ATP8B3: variants seen among roughly 807,000 people sequenced by gnomAD.
The protein encoded by ATP8B3 is phospholipid-transporting ATPase IK.
A neutral mutation model predicts 140.9 loss-of-function variants in ATP8B3; 141 were observed. The observed-to-expected ratio is 1.00, with a 90% CI of 0.87 to 1.15. The LOEUF is 1.15. Among genes scored for constraint, ATP8B3 ranks in the 50% most tolerant of loss-of-function variants. The pLI is 0.00. For synonymous variants in ATP8B3, 765 were observed against 714.6 expected (o/e 1.07, Z -1.13); for missense variants, 1,874 against 1,740.6 (o/e 1.08, Z -1.36).
intron 24 of ATP8B3, among the ~76,000 whole-genome samples, chr19:1,788,664 C>T (rs555997357): frequency 8.5e-5 from 13 of 152,130 alleles, no homozygotes; most frequent in Admixed American, 1.3e-4. Context: ...CAAAACAAAA[C>T]GAAACAAATA....
intron 28 of ATP8B3, among the ~76,000 whole-genome samples, chr19:1,783,632 G>A (rs185862432): frequency 6.6e-6 from 1 of 152,308 alleles, no homozygotes; most frequent in Admixed American, 6.5e-5. Flanking sequence ...CCAGCCACCA[G>A]GTGCCTTGGC....
Position 1,785,649 on chromosome 19 carries a change from G to T in ATP8B3, c.3213C>A (p.Asp1071Glu), listed in dbSNP as rs187141822. 1.9e-6 allele frequency: 3 copies of T among 1,613,132 alleles called. No individual in the cohort carries two copies. The highest frequency in any genetic ancestry group is 2.2e-5 in the East Asian group (1 of 44,878). ...KPELYVVGQK[D>E]ELFNYWVFVQ... ...CGAAGACCCAGTAGTTGAAGAGCTC[G>T]TCCTTCTGCCCCACCACGTACAGCT... Residue 1071 changes from aspartate (D) to glutamate (E), a missense_variant, in exon 26 of 29, where the codon GAC (aspartate) becomes GAA (glutamate). Physicochemically the swap from Asp to Glu is conservative, Grantham distance 45. Around this residue, in one of 3 missense-constraint regions of ATP8B3, gnomAD observed 840 missense variants for 760.9 expected, o/e 1.10. Coordinates refer to ENST00000310127, the MANE Select transcript of ATP8B3 (RefSeq NM_138813.4).
chr19:1,801,593 T>C (rs2068847282), intron 12 of ATP8B3, among the ~76,000 whole-genome samples: 1 of 151,870 alleles, frequency 6.6e-6, no homozygotes, highest in Non-Finnish European at 1.5e-5. Context: ...TCTACTAAAA[T>C]ACAAAAAAAT....
rs747132737 is a variant in ATP8B3, at chr19:1,805,956, G to A, written c.753C>T (p.Ala251=). The A allele has an allele frequency of 4.6e-5, 74 of 1,612,568 alleles. No homozygotes were observed. The highest frequency in any genetic ancestry group is 1.5e-4 in the African/African-American group (11 of 74,852). ...CCGTGCTGGCCAGCAAGAGCATGTC[G>A]GCCTGGTGTGGAGTGGGGGGCAGCG... is the stretch of plus-strand genomic sequence containing the variant. The part of the protein sequence containing the change: ...VCLRKDNIVP[A]DMLLLASTEP... Residue 251 remains alanine (A), a splice_region_variant and synonymous_variant, in exon 9 of 29, where the codon GCC becomes GCT. Coordinates refer to ENST00000310127, the MANE Select transcript of ATP8B3 (RefSeq NM_138813.4). The surrounding 1 kb of genome is among the most constrained non-coding windows in gnomAD (Gnocchi z 5.2).
chr19:1,792,235 A>T, intron 18 of ATP8B3, 100 bp from the exon 19 acceptor site: 1 of 1,364,494 alleles, frequency 7.3e-7, no homozygotes. Flanking sequence ...TGGGTCCCCC[A>T]ACCAAAAGCC....
Position 1,784,840 on chromosome 19 carries a change from G to C in ATP8B3, c.3639C>G (p.Ala1213=). The change falls in exon 28 of 29, where the codon GCC becomes GCG. Residue 1213 remains alanine (A), a synonymous_variant. Coordinates refer to ENST00000310127, the MANE Select transcript of ATP8B3 (RefSeq NM_138813.4). ...TCACCTTGGCACGTAGCTCCTTGAG[G>C]GCTGGGAAGATGACTCGGAGGGCCA... ...PVLALRVIFP[A]LKELRAKEEK... is the part of the protein sequence containing the mutation. The C allele has an allele frequency of 1.2e-6, 2 of 1,608,626 alleles. No individual in the cohort carries two copies. Among genetic ancestry groups the C allele is most frequent in the Non-Finnish European group, 1.7e-6 (2 of 1,177,592 alleles).
Position 1,800,897 on chromosome 19 carries a change from T to C in ATP8B3, c.1153-448A>G, listed in dbSNP as rs377335925. Among the ~76,000 whole-genome samples, 3,956 of 150,388 alleles carry C rather than the reference T, an allele frequency of 0.026. 177 individuals are homozygous for C. The highest frequency in any genetic ancestry group is 0.092 in the African/African-American group (3,753 of 40,842). ...AGGCTGGAGTGCAGTGGCGCGATCT[T>C]GGCTCACAGCAAGCTCCGCCTCCCG... is the stretch of plus-strand genomic sequence containing the variant. On this transcript the variant is annotated intron_variant, in intron 12 of 28. Transcript: ENST00000310127. The surrounding 1 kb of genome is among the most constrained non-coding windows in gnomAD (Gnocchi z 4.4).
rs1600425560 is a variant in ATP8B3 at position 1,794,332 on chromosome 19, G to A, written c.2055+1543C>T. On this transcript the variant is annotated intron_variant, in intron 18 of 28. Coordinates refer to ENST00000310127, the MANE Select transcript of ATP8B3 (RefSeq NM_138813.4). This position sits in a 1 kb window ranked among gnomAD's most constrained non-coding sequence, Gnocchi z 4.8. ...TACCCATCCATTCCCTGGGGTGGCT[G>A]AGCTAAGCTGACCTGCTGAGCTCCT... Among the ~76,000 whole-genome samples, 1 of 152,158 alleles carries A rather than the reference G, an allele frequency of 6.6e-6. No homozygotes were observed. The highest frequency in any genetic ancestry group is 1.5e-5 in the Non-Finnish European group (1 of 68,012).
In ATP8B3 at chr19:1,796,965, C is replaced by T. The variant is rs76090750; in HGVS notation, c.1584+9G>A. On this transcript the variant is annotated intron_variant, in intron 15 of 28. Transcript: ENST00000310127. ...TCACCGTCCCGCGCTGCAAGCCAGG[C>T]AGGCTCACCTTAGGTCGGGTCGTGG... 8.5e-3 allele frequency: 13,721 copies of T among 1,612,930 alleles called. 1,004 individuals are homozygous for T. The African/African-American group carries it at 0.16, about 19-fold the overall frequency.
In ATP8B3 at chr19:1,794,871, C is replaced by T. The variant is rs2068618309; in HGVS notation, c.2055+1004G>A. Among the ~76,000 whole-genome samples the T allele has an allele frequency of 6.6e-6, 1 of 152,316 alleles. No individual in the cohort carries two copies. The highest frequency in any genetic ancestry group is 1.9e-4 in the East Asian group (1 of 5,170). ...CTGGGCCGAGGAGTTCGGGCTTCCC[C>T]CACAGAGTGGGAAGCTTTGGAGCAG... is the stretch of plus-strand genomic sequence containing the variant. On this transcript the variant is annotated intron_variant, in intron 18 of 28. Transcript: ENST00000310127. The surrounding 1 kb of genome is among the most constrained non-coding windows in gnomAD (Gnocchi z 4.8).
intron 2 of ATP8B3, among the ~76,000 whole-genome samples, chr19:1,811,136 T>C (rs2069176202): frequency 6.6e-6 from 1 of 152,154 alleles, no homozygotes; most frequent in Non-Finnish European, 1.5e-5. Context: ...CAGTCATCTG[T>C]TCACTGACTG....
At chr19:1,804,322 C>T (rs548252298) in intron 10 of ATP8B3, among the ~76,000 whole-genome samples, 4 of 152,154 alleles carry the variant, frequency 2.6e-5, no homozygotes, top group South Asian at 2.1e-4. Context: ...GATGAAACCC[C>T]GTCTCGGCCG....
At chr19:1,786,166 G>A (rs979868740) in intron 25 of ATP8B3, among the ~76,000 whole-genome samples, 11 of 152,030 alleles carry the variant, frequency 7.2e-5, no homozygotes, top group African/African-American at 2.7e-4. Context: ...AAGAGCTCTG[G>A]AGGTTGGTCA....
intron 10 of ATP8B3, among the ~76,000 whole-genome samples, chr19:1,803,219 G>C (rs972478828): frequency 6.6e-6 from 1 of 152,132 alleles, no homozygotes; most frequent in Non-Finnish European, 1.5e-5. Context: ...AGACTGGCCC[G>C]GGGCAGCATT....
chr19:1,789,487 G>A lies in ATP8B3; in HGVS notation c.2719C>T (p.Gln907Ter). Reference protein sequence around the residue: ...RAFVDLASKCQAVICCRVTPK... With the variant: ...RAFVDLASKC ...GTCACGCGGCAGCAGATGACCGCCT[G>A]GCACTTGGACGCCAGGTCCACGAAG... is the stretch of plus-strand genomic sequence containing the variant. Residue 907 changes from glutamine to a stop codon, truncating the protein, a stop_gained, in exon 23 of 29, where the codon CAG (glutamine) becomes TAG (stop). Transcript: ENST00000310127. LOFTEE classifies it high-confidence loss of function. 1 of 1,598,024 alleles carries A rather than the reference G, an allele frequency of 6.3e-7. No homozygotes were observed. Among genetic ancestry groups the A allele is most frequent in the East Asian group, 2.2e-5 (1 of 44,746 alleles).
Position 1,806,299 on chromosome 19 carries a change from G to A in ATP8B3, c.678-130C>T. On this transcript the variant is annotated intron_variant, in intron 7 of 28. Coordinates refer to ENST00000310127, the MANE Select transcript of ATP8B3 (RefSeq NM_138813.4). This position sits in a 1 kb window ranked among gnomAD's most constrained non-coding sequence, Gnocchi z 5.6. Reference sequence around the variant, plus strand: ...CACCTCCGGGCCTTTGCCCCCTCAGGAAGCCTTCCCCGGGCTCCCACCCCA... The same window carrying A: ...CACCTCCGGGCCTTTGCCCCCTCAGAAAGCCTTCCCCGGGCTCCCACCCCA... The A allele has an allele frequency of 6.7e-7, 1 of 1,489,460 alleles. No homozygotes were observed. The highest frequency in any genetic ancestry group is 2.5e-5 in the East Asian group (1 of 40,496). 92.3% of individuals were successfully genotyped at this position (1,489,460 alleles called of 1,614,324 possible). A position where few individuals can be genotyped will look rare whatever the true frequency, so the allele number is the denominator to read the frequency against.
chr19:1,802,406 T>TTGGGCC, intron 11 of ATP8B3, 81 bp downstream of exon 11: 1 of 421,058 alleles, frequency 2.4e-6, no homozygotes, highest in Non-Finnish European at 4.4e-6. Flanking sequence ...TCCACCCACC[T>TTGGGCC]ACCCACCCAC....
In ATP8B3 at chr19:1,785,570, G is replaced by A. The variant is rs749483981; in HGVS notation, c.3292C>T (p.Leu1098=). Residue 1098 remains leucine, a synonymous_variant, in exon 26 of 29, where the codon CTG becomes TTG. Transcript: ENST00000310127. ...CCCGCCGTGTCGCGGCTGATCCACA[G>A]TGTCATGAAGAAGTTGACCAGAGAG... ...TTSLVNFFMT[L]WISRDTAGPA... The A allele has an allele frequency of 3.7e-6, 6 of 1,613,124 alleles. No individual in the cohort carries two copies. Among genetic ancestry groups the A allele is most frequent in the Non-Finnish European group, 5.1e-6 (6 of 1,179,904 alleles).
At position 1,809,623 on chromosome 19, in the gene ATP8B3, G is replaced by A; in HGVS notation, c.402+20C>T. The stretch of plus-strand genomic sequence containing the variant: ...ACGGCAGCTCCTCTGGAGCAGGGAG[G>A]CGCGGGAGGGGCCGCCCACCTTGTA... On this transcript the variant is annotated intron_variant, in intron 4 of 28. Coordinates refer to ENST00000310127, the MANE Select transcript of ATP8B3 (RefSeq NM_138813.4). 1 of 1,581,812 alleles carries A rather than the reference G, an allele frequency of 6.3e-7. No individual in the cohort carries two copies. The highest frequency in any genetic ancestry group is 8.6e-7 in the Non-Finnish European group (1 of 1,163,038).
Sources: gnomAD v4.1 joint callset for allele counts (sites outside exome capture counted in the v4.1 genomes callset) on GRCh38, gnomAD v4.1.1 for gene constraint, gnomAD v4.1.1 regional missense constraint, Gnocchi (gnomAD v3.1) non-coding constraint, MANE v1.5 for transcripts, NCBI Gene and HGNC (gene_info 2026-07-23, HGNC 2026-07-21) for gene names.